The following SLC28A1 variants were observed in gnomAD, a reference collection of about 807,000 sequenced individuals.
The protein encoded by SLC28A1 is sodium/nucleoside cotransporter 1.
Under a neutral mutation model 74.8 loss-of-function variants are expected in SLC28A1, and 64 were observed. The observed-to-expected ratio is 0.86, with a 90% CI of 0.70 to 1.05. SLC28A1 has a LOEUF of 1.05. SLC28A1 is among the 50% of genes least tolerant of loss of function. The pLI is 0.00. For missense variants in SLC28A1, 828 were observed against 822.8 expected (o/e 1.01, Z -0.08); for synonymous variants, 359 against 335.0 (o/e 1.07, Z -0.78).
intron 4 of SLC28A1, among the ~76,000 whole-genome samples, chr15:84,889,681 C>CTTCCTTCT (rs1965073051): frequency 1.2e-5 from 1 of 85,508 alleles, no homozygotes; most frequent in Non-Finnish European, 2.6e-5. Context: ...TCCTTCTTTC[C>CTTCCTTCT]TTCCTTCCTT....
intron 6 of SLC28A1, 151 bp downstream of exon 6, chr15:84,895,274 TCAAA>T: frequency 1.3e-6 from 2 of 1,583,670 alleles, no homozygotes; most frequent in Non-Finnish European, 1.7e-6. Flanking sequence ...GTGGGTGGCT[TCAAA>T]CAAAGCAGCA....
chr15:84,944,981 G>A, intron 18 of SLC28A1, 114 bp downstream of exon 18: 1 of 1,063,784 alleles, frequency 9.4e-7, no homozygotes, highest in East Asian at 2.4e-5. Flanking sequence ...TACGGCTGCA[G>A]CTAATGGGGA....
the SLC28A1 span, among the ~76,000 whole-genome samples, chr15:84,967,913 C>T: frequency 1.5e-3 from 235 of 152,216 alleles, 2 homozygotes; most frequent in African/African-American, 5.2e-3. Flanking sequence ...ACGCACTAGA[C>T]GCACTTCAGA....
chr15:84,906,877 T>A (rs971967391), intron 8 of SLC28A1, among the ~76,000 whole-genome samples: 2 of 152,202 alleles, frequency 1.3e-5, no homozygotes, highest in Non-Finnish European at 2.9e-5. Context: ...CAAAAGAAAA[T>A]TAGAACAAAT....
chr15:84,903,894 C>G (rs1966850130), intron 6 of SLC28A1, among the ~76,000 whole-genome samples: 1 of 152,202 alleles, frequency 6.6e-6, no homozygotes, highest in African/African-American at 2.4e-5. Flanking sequence ...CTCAGAGAGG[C>G]AAGGTGATCT....
downstream of SLC28A1, among the ~76,000 whole-genome samples, chr15:84,948,999 A>G (rs146779987): frequency 6.6e-6 from 1 of 152,346 alleles, no homozygotes; most frequent in East Asian, 1.9e-4. Context: ...TTACCAAAGT[A>G]ATACTTGCCC....
At chr15:84,932,192 G>T (rs1200095991) in intron 12 of SLC28A1, among the ~76,000 whole-genome samples, 3 of 152,128 alleles carry the variant, frequency 2.0e-5, no homozygotes, top group Non-Finnish European at 1.5e-5. Flanking sequence ...TTCACTGTGA[G>T]GCCTTGATGA....
chr15:84,905,528 T>G lies in SLC28A1; in HGVS notation c.604-11T>G. 1.3e-6 allele frequency: 2 copies of G among 1,573,754 alleles called. No individual in the cohort carries two copies. The highest frequency in any genetic ancestry group is 8.7e-7 in the Non-Finnish European group (1 of 1,143,578). ...GAACTGAACTCAGCTTTCTGTTGGG[T>G]GGGGTGGTAGGTGTCCTGGAGGGCC... is the stretch of plus-strand genomic sequence containing the variant. On this transcript the variant is annotated splice_polypyrimidine_tract_variant and intron_variant, in intron 7 of 18. Transcript: ENST00000394573.
rs540386860 is a variant in SLC28A1 at position 84,911,392 on chromosome 15, C to G, written c.795+2597C>G. ...GGTCCAGCCAAGCTCCAGACAGGAG[C>G]AGTGTGTTGGCCGCAATGGCACAGT... On this transcript the variant is annotated intron_variant, in intron 9 of 18. Transcript: ENST00000394573. Among the ~76,000 whole-genome samples the G allele has an allele frequency of 1.8e-4, 28 of 152,336 alleles. No homozygotes were observed. In the South Asian group the frequency reaches 3.7e-3, roughly 20 times the overall value.
At chr15:84,930,421 G>C (rs1971127085) in intron 12 of SLC28A1, among the ~76,000 whole-genome samples, 1 of 152,198 alleles carries the variant, frequency 6.6e-6, no homozygotes, top group Non-Finnish European at 1.5e-5. Context: ...GAGGTATCAG[G>C]CTGCTGCCAA....
chr15:84,923,434 T>C (rs1970095503), intron 11 of SLC28A1, among the ~76,000 whole-genome samples: 1 of 152,100 alleles, frequency 6.6e-6, no homozygotes, highest in African/African-American at 2.4e-5. Flanking sequence ...TCCTATTCTA[T>C]ATAACAGTGC....
At chr15:84,954,084 A>G in the SLC28A1 span, among the ~76,000 whole-genome samples, 1 of 152,222 alleles carries the variant, frequency 6.6e-6, no homozygotes, top group Non-Finnish European at 1.5e-5. Flanking sequence ...TTCATATATT[A>G]GCTTGTTTTC....
chr15:84,968,510 T>C, the SLC28A1 span, among the ~76,000 whole-genome samples: 3,528 of 152,292 alleles, frequency 0.023, 136 homozygotes, highest in African/African-American at 0.079. Context: ...CCACAATGGG[T>C]GACCCAAGGG....
the SLC28A1 span, among the ~76,000 whole-genome samples, chr15:84,956,472 T>C: frequency 1.4e-3 from 106 of 77,674 alleles, no homozygotes; most frequent in African/African-American, 3.9e-3. Flanking sequence ...TCTTTCCTTC[T>C]TTCTTTCTTT....
chr15:84,944,577 C>A lies in SLC28A1; in HGVS notation c.1675C>A (p.Pro559Thr). ...IMLGGLTSMV[P>T]QRKSDFSQIV... ...CTGTCCCCTTGCAGCCTCCATGGTC[C>A]CCCAACGGAAGAGCGACTTCTCCCA... The change falls in exon 17 of 19, where the codon CCC (proline) becomes ACC (threonine). Residue 559 changes from proline to threonine, a missense_variant. Transcript: ENST00000394573. 6.2e-7 allele frequency: 1 copy of A among 1,613,378 alleles called. No homozygotes were observed. Among genetic ancestry groups the A allele is most frequent in the South Asian group, 1.1e-5 (1 of 91,060 alleles).
At chr15:84,967,889 A>C in the SLC28A1 span, among the ~76,000 whole-genome samples, 4 of 152,178 alleles carry the variant, frequency 2.6e-5, no homozygotes, top group Non-Finnish European at 5.9e-5. Flanking sequence ...ATATGCAGGC[A>C]GGGTTAGGGA....
chr15:84,921,102 T>TCAGCAG, intron 11 of SLC28A1, 33 bp downstream of exon 11: 1 of 1,523,766 alleles, frequency 6.6e-7, no homozygotes, highest in Admixed American at 1.7e-5. Context: ...CTCATGCTCA[T>TCAGCAG]CAGCAGCTTC....
intron 15 of SLC28A1, among the ~76,000 whole-genome samples, chr15:84,936,717 T>C (rs1971983857): frequency 6.6e-6 from 1 of 152,244 alleles, no homozygotes; most frequent in Admixed American, 6.5e-5. Context: ...CCATCCCAGA[T>C]AATAGTTATT....
intron 16 of SLC28A1, 27 bp from the exon 17 acceptor site, chr15:84,944,539 G>A: frequency 6.5e-7 from 1 of 1,528,778 alleles, no homozygotes; most frequent in South Asian, 1.1e-5. Flanking sequence ...AGCTTCCCAG[G>A]CCCTGAGCAC....
Sources: gnomAD v4.1 joint callset for allele counts (sites outside exome capture counted in the v4.1 genomes callset) on GRCh38, gnomAD v4.1.1 for gene constraint, MANE v1.5 for transcripts, NCBI Gene and HGNC (gene_info 2026-07-23, HGNC 2026-07-21) for gene names.